The following NKD1 variants were observed in gnomAD, a reference collection of about 807,000 sequenced individuals.
The protein encoded by NKD1 is protein naked cuticle homolog 1.
A neutral mutation model predicts 56.0 loss-of-function variants in NKD1; 21 were observed. The observed-to-expected ratio is 0.38, with a 90% CI of 0.27 to 0.54. The LOEUF (loss-of-function observed/expected upper bound fraction) is 0.54, where lower values mean the gene tolerates loss of function less well. Among genes scored for constraint, NKD1 ranks in the 20% least tolerant of loss-of-function variants. NKD1 has a pLI of 0.82. For synonymous variants in NKD1, 263 were observed against 265.7 expected (o/e 0.99, Z 0.10); for missense variants, 578 against 642.7 (o/e 0.90, Z 1.09).
At chr16:50,620,474 AC>A (rs915558590) in intron 4 of NKD1, among the ~76,000 whole-genome samples, 2 of 151,788 alleles carry the variant, frequency 1.3e-5, no homozygotes, top group Admixed American at 1.3e-4. Context: ...ACCTCACATG[AC>A]CCCCTGGCCA....
At chr16:50,574,530 G>T in intron 3 of NKD1, 1 of 985,362 alleles carries the variant, frequency 1.0e-6, no homozygotes, top group Non-Finnish European at 1.2e-6. Flanking sequence ...GCCCAGGCAC[G>T]GCCGAATGGC....
chr16:50,573,874 G>A (rs1567337972), intron 3 of NKD1: 1 of 985,268 alleles, frequency 1.0e-6, no homozygotes, highest in Non-Finnish European at 1.2e-6. Flanking sequence ...AGGGGCGGGG[G>A]TGAGGGTGCT....
intron 4 of NKD1, among the ~76,000 whole-genome samples, chr16:50,616,433 T>C (rs530968722): frequency 3.9e-5 from 6 of 152,356 alleles, no homozygotes; most frequent in Non-Finnish European, 7.3e-5. Flanking sequence ...TGGATTTTTA[T>C]GTAAATTTCA....
At chr16:50,588,472 G>A (rs146900673) in intron 3 of NKD1, among the ~76,000 whole-genome samples, 1 of 152,314 alleles carries the variant, frequency 6.6e-6, no homozygotes, top group Non-Finnish European at 1.5e-5. Flanking sequence ...GTTCTTGGCT[G>A]AAATGAAGCA....
intron 3 of NKD1, among the ~76,000 whole-genome samples, chr16:50,570,211 A>T (rs1407316678): frequency 6.6e-6 from 1 of 152,128 alleles, no homozygotes; most frequent in Non-Finnish European, 1.5e-5. Flanking sequence ...TGGCTACTAG[A>T]ACATTTAAAA....
chr16:50,630,859 A>T lies in NKD1; in HGVS notation c.644A>T (p.Lys215Met). The T allele has an allele frequency of 6.2e-7, 1 of 1,607,102 alleles. No individual in the cohort carries two copies. The highest frequency in any genetic ancestry group is 8.5e-7 in the Non-Finnish European group (1 of 1,177,304). ...AGCGCAAGGCCCCGAGCAGAGACCAAGCCCACTGAGGACCTGCGGAGCTGG... is the reference window on the plus strand; with the variant it reads ...AGCGCAAGGCCCCGAGCAGAGACCATGCCCACTGAGGACCTGCGGAGCTGG... ...LQSARPRAET[K>M]PTEDLRSWEK... The change falls in exon 8 of 10, where the codon AAG (lysine) becomes ATG (methionine). Residue 215 changes from lysine (K) to methionine (M), a missense_variant. Coordinates refer to ENST00000268459, the MANE Select transcript of NKD1 (RefSeq NM_033119.5).
intron 3 of NKD1, among the ~76,000 whole-genome samples, chr16:50,599,287 G>A (rs1961544214): frequency 6.6e-6 from 1 of 152,180 alleles, no homozygotes; most frequent in African/African-American, 2.4e-5. Flanking sequence ...ACCAAGCACT[G>A]TACACATACT....
chr16:50,579,509 C>T (rs1159032967), intron 3 of NKD1, among the ~76,000 whole-genome samples: 1 of 125,006 alleles, frequency 8.0e-6, no homozygotes, highest in Non-Finnish European at 1.6e-5. Context: ...TAACCCGCCA[C>T]GCATGCACTG....
intron 4 of NKD1, chr16:50,608,598 C>A: frequency 1.7e-6 from 1 of 578,072 alleles, no homozygotes; most frequent in South Asian, 2.0e-5. Context: ...CATGTCCTGG[C>A]CCTGCACCGG....
At chr16:50,550,913 G>A (rs1960369620) in intron 3 of NKD1, among the ~76,000 whole-genome samples, 1 of 152,156 alleles carries the variant, frequency 6.6e-6, no homozygotes, top group Admixed American at 6.5e-5. Context: ...TTTTTACAAA[G>A]TATTCCTGCA....
rs182773299 is a variant in NKD1, at chr16:50,625,244, C to T, written c.367-241C>T. On this transcript the variant is annotated intron_variant, in intron 5 of 9. Coordinates refer to ENST00000268459, the MANE Select transcript of NKD1 (RefSeq NM_033119.5). ...CTGTGTTTCCTTTGTCTTTGAAGAC[C>T]CACAGACCACCAGGCACCCCTGCAG... The T allele has an allele frequency of 3.4e-5, 19 of 558,872 alleles. No individual in the cohort carries two copies. In the East Asian group the frequency reaches 5.4e-4, roughly 16 times the overall value. The allele number at this position is 558,872 out of a possible 1,614,324, so 34.6% of individuals were successfully genotyped here.
Position 50,633,585 on chromosome 16 carries a change from C to A in NKD1, c.1217C>A (p.Ala406Asp). Residue 406 changes from alanine to aspartate, a missense_variant, in exon 10 of 10, where the codon GCC (alanine) becomes GAC (aspartate). By Grantham distance (126) the Ala-to-Asp change is moderately radical. Coordinates refer to ENST00000268459, the MANE Select transcript of NKD1 (RefSeq NM_033119.5). The surrounding 1 kb of genome is among the most constrained non-coding windows in gnomAD (Gnocchi z 4.9). The part of the protein sequence containing the change: ...PLGHKKHKHR[A>D]KESQQGCRGL... ...GGGCACAAGAAGCACAAGCACCGAG[C>A]CAAGGAGAGCCAGCAGGGCTGCCGG... The A allele has an allele frequency of 6.2e-7, 1 of 1,611,578 alleles. No individual in the cohort carries two copies. The highest frequency in any genetic ancestry group is 8.5e-7 in the Non-Finnish European group (1 of 1,179,532).
intron 4 of NKD1, among the ~76,000 whole-genome samples, chr16:50,615,395 AT>A (rs1181189407): frequency 6.6e-6 from 1 of 152,236 alleles, no homozygotes; most frequent in African/African-American, 2.4e-5. Context: ...TGATGATTAA[AT>A]GAGTGATATA....
chr16:50,591,125 A>T lies in NKD1; in HGVS notation c.193-17169A>T, dbSNP rs372218317. Among the ~76,000 whole-genome samples, 33 of 152,256 alleles carry T rather than the reference A, an allele frequency of 2.2e-4. No homozygotes were observed. The East Asian group carries it at 2.3e-3, about 11-fold the overall frequency. On this transcript the variant is annotated intron_variant, in intron 3 of 9. Transcript: ENST00000268459. ...GGTGTGAGTCACTGTGCCCGGCCAG[A>T]ATGAAGCCTCTTTTTAAATTAACCT...
chr16:50,596,357 T>G (rs1235837772), intron 3 of NKD1, among the ~76,000 whole-genome samples: 1 of 149,916 alleles, frequency 6.7e-6, no homozygotes, highest in African/African-American at 2.5e-5. Context: ...TGGGTGCCCA[T>G]TTTTGTATGT....
At position 50,633,245 on chromosome 16, in the gene NKD1, A is replaced by G. The variant is rs1370043926; in HGVS notation, c.877A>G (p.Thr293Ala). The change falls in exon 10 of 10, where the codon ACT becomes GCT. Residue 293 changes from threonine (T) to alanine (A), a missense_variant. Transcript: ENST00000268459. The surrounding 1 kb of genome is among the most constrained non-coding windows in gnomAD (Gnocchi z 4.9). ...ACTGCCCCCCCGCACCTCCAATCCC[A>G]CTCGATCTCGCTCCCATGAGCCGGA... Reference protein sequence around the residue: ...SELPPRTSNPTRSRSHEPEAI... With the variant: ...SELPPRTSNPARSRSHEPEAI... 1.2e-6 allele frequency: 2 copies of G among 1,613,316 alleles called. No individual in the cohort carries two copies. Among genetic ancestry groups the G allele is most frequent in the Admixed American group, 1.7e-5 (1 of 59,952 alleles).
rs1230424832 is a variant in NKD1, at chr16:50,549,498, C to A, written c.135C>A (p.Gly45=). The change falls in exon 3 of 10, where the codon GGC becomes GGA. Residue 45 remains glycine (G), a synonymous_variant. Coordinates refer to ENST00000268459, the MANE Select transcript of NKD1 (RefSeq NM_033119.5). ...EEWIGRQRCP[G]GVSGPRQLRL... Reference sequence around the variant, plus strand: ...GGATCGGGAGACAGCGCTGCCCGGGCGGTGTCTCGGGACCCCGACAGCTGC... The same window carrying A: ...GGATCGGGAGACAGCGCTGCCCGGGAGGTGTCTCGGGACCCCGACAGCTGC... The A allele has an allele frequency of 2.5e-6, 4 of 1,608,632 alleles. No homozygotes were observed. The East Asian group carries it at 9.0e-5, about 36-fold the overall frequency.
chr16:50,552,817 A>G (rs1383827997), intron 3 of NKD1, among the ~76,000 whole-genome samples: 1 of 152,212 alleles, frequency 6.6e-6, no homozygotes, highest in Non-Finnish European at 1.5e-5. Context: ...AGGGAGTGAT[A>G]GGGCTGGGAT....
chr16:50,631,605 G>C (rs1386562473), intron 8 of NKD1, among the ~76,000 whole-genome samples: 1 of 152,206 alleles, frequency 6.6e-6, no homozygotes, highest in Non-Finnish European at 1.5e-5. Context: ...ACCCAGGCTG[G>C]CTAGAGATCC....
Sources: allele counts gnomAD v4.1 joint callset (sites outside exome capture counted in the v4.1 genomes callset), GRCh38; gene constraint gnomAD v4.1.1; non-coding constraint Gnocchi (gnomAD v3.1); transcripts MANE v1.5; gene names NCBI Gene and HGNC (gene_info 2026-07-23, HGNC 2026-07-21).